FBXO42: variants seen among roughly 807,000 people sequenced by gnomAD.
The protein encoded by FBXO42 is F-box only protein 42.
In FBXO42, 12 loss-of-function variants were observed where a neutral mutation model predicts 71.7. That is an observed-to-expected ratio of 0.17 (90% CI 0.11 to 0.27). The LOEUF (loss-of-function observed/expected upper bound fraction) is 0.27. Among genes scored for constraint, FBXO42 ranks in the 10% least tolerant of loss-of-function variants. The pLI is 1.00. For synonymous variants in FBXO42, 325 were observed against 327.5 expected (o/e 0.99, Z 0.08); for missense variants, 707 against 911.9 (o/e 0.78, Z 2.89).
At chr1:16,267,585 G>A (rs1004509208) in intron 4 of FBXO42, among the ~76,000 whole-genome samples, 1 of 152,174 alleles carries the variant, frequency 6.6e-6, no homozygotes, top group African/African-American at 2.4e-5. Context: ...AGAGGCATCA[G>A]CCCACCTTTG....
intron 1 of FBXO42, among the ~76,000 whole-genome samples, chr1:16,316,500 C>T (rs1003972755): frequency 6.6e-6 from 1 of 151,916 alleles, no homozygotes; most frequent in Non-Finnish European, 1.5e-5. Context: ...CTTTGGGATT[C>T]TGAGGCCGGC....
chr1:16,329,456 C>T (rs554948025), intron 1 of FBXO42, among the ~76,000 whole-genome samples: 56 of 150,618 alleles, frequency 3.7e-4, no homozygotes, highest in East Asian at 4.0e-4. Flanking sequence ...TGGCGGTGTG[C>T]GCCTGTAGTC....
At chr1:16,305,960 C>T (rs2082245588) in intron 2 of FBXO42, 41 bp from the exon 3 acceptor site, 2 of 1,297,958 alleles carry the variant, frequency 1.5e-6, no homozygotes, top group Non-Finnish European at 2.2e-6. Context: ...AGACACTTAA[C>T]TTATCCATCA....
Position 16,248,347 on chromosome 1 carries a change from C to A in FBXO42, c.*2323G>T, listed in dbSNP as rs957002212. ...TCTTAAAAAGCTGTAAGCAAACAGT[C>A]TGGTTCCAGGCAGTATGCGTCAAAC... On this transcript the variant is annotated 3_prime_UTR_variant, in exon 10 of 10. Coordinates refer to ENST00000375592, the MANE Select transcript of FBXO42 (RefSeq NM_018994.3). 3.9e-5 allele frequency: 6 copies of A among 152,208 alleles called. No individual in the cohort carries two copies. Among genetic ancestry groups the A allele is most frequent in the Non-Finnish European group, 8.8e-5 (6 of 68,038 alleles). 9.4% of individuals were successfully genotyped at this position (152,208 alleles called of 1,614,324 possible).
intron 3 of FBXO42, 107 bp from the exon 4 acceptor site, chr1:16,295,024 T>C (rs2082114389): frequency 7.6e-7 from 1 of 1,311,812 alleles, no homozygotes; most frequent in African/African-American, 1.5e-5. Context: ...TCAGCAATTT[T>C]GTTACCAAGT....
intron 1 of FBXO42, among the ~76,000 whole-genome samples, chr1:16,333,150 T>C (rs1456444736): frequency 6.6e-6 from 1 of 152,176 alleles, no homozygotes; most frequent in African/African-American, 2.4e-5. Flanking sequence ...TCCTCTGACC[T>C]TCTATTCATT....
chr1:16,349,444 A>T (rs2082679995), intron 1 of FBXO42, among the ~76,000 whole-genome samples: 1 of 152,246 alleles, frequency 6.6e-6, no homozygotes, highest in Non-Finnish European at 1.5e-5. Context: ...AGGAATAATC[A>T]ATTTTACATT....
At chr1:16,284,619 C>A (rs2082001645) in intron 4 of FBXO42, among the ~76,000 whole-genome samples, 1 of 151,918 alleles carries the variant, frequency 6.6e-6, no homozygotes, top group African/African-American at 2.4e-5. Context: ...ATCACAAGGT[C>A]AGGAGTTCAA....
At chr1:16,276,098 T>C (rs368258945) in intron 4 of FBXO42, among the ~76,000 whole-genome samples, 95 of 150,602 alleles carry the variant, frequency 6.3e-4, no homozygotes, top group African/African-American at 2.2e-3. Context: ...ACTGGAAAAC[T>C]TGGCAGGGTG....
chr1:16,317,588 C>A (rs1036773035), intron 1 of FBXO42, among the ~76,000 whole-genome samples: 1 of 147,294 alleles, frequency 6.8e-6, no homozygotes, highest in African/African-American at 2.5e-5. Flanking sequence ...CAGCAAGACT[C>A]CATCTCAAAC....
rs2100472127 is a variant in FBXO42 at position 16,270,688 on chromosome 1, A to AG, written c.503-13930_503-13929insC. On this transcript the variant is annotated intron_variant, in intron 4 of 9. Coordinates refer to ENST00000375592, the MANE Select transcript of FBXO42 (RefSeq NM_018994.3). ...ACTCTGTCTCTCAAAAAAAAAAAAAAAAAAAAAAGAAAAGAAAAGAAAGAA... is the reference window on the plus strand; with the variant it reads ...ACTCTGTCTCTCAAAAAAAAAAAAAAGAAAAAAAAGAAAAGAAAAGAAAGAA... Among the ~76,000 whole-genome samples, 2 of 31,412 alleles carry AG rather than the reference A, an allele frequency of 6.4e-5. 1 individual carries two copies. The highest frequency in any genetic ancestry group is 2.9e-4 in the African/African-American group (2 of 6,898). The allele number at this position is 31,412 out of a possible 152,430, so 20.6% of individuals were successfully genotyped here. A position where few individuals can be genotyped will look rare whatever the true frequency, so the allele number is the denominator to read the frequency against.
chr1:16,328,526 T>C (rs547328120), intron 1 of FBXO42, among the ~76,000 whole-genome samples: 1 of 152,338 alleles, frequency 6.6e-6, no homozygotes, highest in South Asian at 2.1e-4. Flanking sequence ...AGAATGATCC[T>C]GTGATAATGG....
intron 3 of FBXO42, among the ~76,000 whole-genome samples, chr1:16,297,188 C>A (rs1051732273): frequency 2.0e-5 from 3 of 152,092 alleles, no homozygotes; most frequent in African/African-American, 7.2e-5. Flanking sequence ...AGGTGATCCA[C>A]CCGCCTCAGC....
Position 16,259,489 on chromosome 1 carries a change from C to T in FBXO42, c.503-2730G>A, listed in dbSNP as rs1167745242. Among the ~76,000 whole-genome samples the T allele has an allele frequency of 2.0e-5, 3 of 152,110 alleles. No individual in the cohort carries two copies. The East Asian group carries it at 5.8e-4, about 29-fold the overall frequency. ...ATAAGAATATATACCTCTTGCCAGG[C>T]GCAGTGGCTCACACCTGTAATCCCA... is the stretch of plus-strand genomic sequence containing the variant. On this transcript the variant is annotated intron_variant, in intron 4 of 9. Transcript: ENST00000375592.
At chr1:16,282,314 C>A (rs1413851960) in intron 4 of FBXO42, among the ~76,000 whole-genome samples, 2 of 151,302 alleles carry the variant, frequency 1.3e-5, no homozygotes, top group African/African-American at 2.4e-5. Context: ...CAACTTCTGC[C>A]TCCTGAGTTC....
intron 4 of FBXO42, among the ~76,000 whole-genome samples, chr1:16,259,080 T>A (rs993945672): frequency 1.3e-5 from 2 of 152,148 alleles, no homozygotes; most frequent in African/African-American, 4.8e-5. Flanking sequence ...CAATCTGAAG[T>A]GCTGAGGTAT....
In FBXO42 at chr1:16,338,280, C is replaced by T. The variant is rs1034689407; in HGVS notation, c.-18+13975G>A. 4.1e-5 allele frequency among the ~76,000 whole-genome samples: 6 copies of T among 145,990 alleles called. 1 individual carries two copies. The highest frequency in any genetic ancestry group is 1.0e-4 in the African/African-American group (4 of 39,554). ...CATCTCAAAAAAAAAGAGGGAGGATCGCTTGAGCACTGAAGTTGAGGCTGC... is the reference window on the plus strand; with the variant it reads ...CATCTCAAAAAAAAAGAGGGAGGATTGCTTGAGCACTGAAGTTGAGGCTGC... On this transcript the variant is annotated intron_variant, in intron 1 of 9. Transcript: ENST00000375592.
At chr1:16,265,203 C>T (rs2081758157) in intron 4 of FBXO42, among the ~76,000 whole-genome samples, 1 of 152,194 alleles carries the variant, frequency 6.6e-6, no homozygotes, top group Non-Finnish European at 1.5e-5. Context: ...AACGGATTCT[C>T]CTGCCTCAGC....
chr1:16,341,675 T>G (rs1227566572), intron 1 of FBXO42, among the ~76,000 whole-genome samples: 1 of 149,792 alleles, frequency 6.7e-6, no homozygotes, highest in East Asian at 2.0e-4. Flanking sequence ...TATTTGATAT[T>G]CTTAAAAGTT....
Sources: gnomAD v4.1 joint callset for allele counts (sites outside exome capture counted in the v4.1 genomes callset) on GRCh38, gnomAD v4.1.1 for gene constraint, MANE v1.5 for transcripts, NCBI Gene and HGNC (gene_info 2026-07-23, HGNC 2026-07-21) for gene names.